Variants in ZDHHC14 observed in about 807,000 individuals in gnomAD.
ZDHHC14 encodes zDHHC palmitoyltransferase 14.
In ZDHHC14, 16 loss-of-function variants were observed where a neutral mutation model predicts 47.7. The ratio of observed to expected loss-of-function variants is 0.34; its 90% CI spans 0.23 to 0.51. ZDHHC14 has a LOEUF of 0.51. Among genes scored for constraint, ZDHHC14 ranks in the 20% least tolerant of loss-of-function variants. The pLI, the probability that ZDHHC14 is intolerant of heterozygous loss-of-function variation, is 0.97. For synonymous variants in ZDHHC14, 293 were observed against 278.9 expected, an observed-to-expected ratio of 1.05 and a Z score of -0.50; for missense variants, 515 against 662.5, an observed-to-expected ratio of 0.78 and a Z score of 2.44.
intron 2 of ZDHHC14, among the ~76,000 whole-genome samples, chr6:157,575,600 C>A (rs1783275927): frequency 6.6e-6 from 1 of 152,178 alleles, no homozygotes; most frequent in Non-Finnish European, 1.5e-5. Flanking sequence ...CTGCTCCCAG[C>A]GAGTGTGCAC....
chr6:157,480,033 G>A (rs999858063), intron 1 of ZDHHC14, among the ~76,000 whole-genome samples: 1 of 152,160 alleles, frequency 6.6e-6, no homozygotes, highest in Non-Finnish European at 1.5e-5. Context: ...GGGCCAACTG[G>A]ACAACAGTGG....
At chr6:157,435,473 A>G (rs917645385) in intron 1 of ZDHHC14, among the ~76,000 whole-genome samples, 1 of 152,086 alleles carries the variant, frequency 6.6e-6, no homozygotes, top group African/African-American at 2.4e-5. Context: ...AATTAATGGC[A>G]GTTTGTGGCA....
At chr6:157,634,425 C>T (rs1442469447) in intron 5 of ZDHHC14, among the ~76,000 whole-genome samples, 1 of 152,168 alleles carries the variant, frequency 6.6e-6, no homozygotes, top group African/African-American at 2.4e-5. Flanking sequence ...GAAATGTCCT[C>T]CTCCGTTCCT....
intron 2 of ZDHHC14, among the ~76,000 whole-genome samples, chr6:157,584,261 A>T (rs1470748189): frequency 2.0e-5 from 3 of 152,052 alleles, no homozygotes. Flanking sequence ...AGAGTGGGGC[A>T]TGGGGGCTCA....
intron 1 of ZDHHC14, among the ~76,000 whole-genome samples, chr6:157,486,528 T>C (rs1779781604): frequency 6.6e-6 from 1 of 152,248 alleles, no homozygotes; most frequent in African/African-American, 2.4e-5. Context: ...TATATAGATA[T>C]TTCCATTCTC....
intron 2 of ZDHHC14, among the ~76,000 whole-genome samples, chr6:157,576,727 C>T (rs1311907253): frequency 6.6e-6 from 1 of 152,214 alleles, no homozygotes; most frequent in Non-Finnish European, 1.5e-5. Flanking sequence ...CAGAGAGATG[C>T]TTCATCTTCA....
chr6:157,532,523 C>A (rs1405982029), intron 1 of ZDHHC14, among the ~76,000 whole-genome samples: 1 of 152,200 alleles, frequency 6.6e-6, no homozygotes, highest in African/African-American at 2.4e-5. Context: ...GATTCCGGAT[C>A]TCCAGGGGGC....
At chr6:157,546,562 A>G (rs534104889) in intron 2 of ZDHHC14, among the ~76,000 whole-genome samples, 177 of 152,260 alleles carry the variant, frequency 1.2e-3, no homozygotes, top group Middle Eastern at 3.4e-3. Context: ...TTCTGAAAGA[A>G]TGTTCCCGAT....
chr6:157,655,687 T>C (rs759094884), intron 8 of ZDHHC14, among the ~76,000 whole-genome samples: 5 of 152,186 alleles, frequency 3.3e-5, no homozygotes, highest in Non-Finnish European at 5.9e-5. Context: ...GTTTGTGGGG[T>C]ACAGCTCATC....
intron 1 of ZDHHC14, among the ~76,000 whole-genome samples, chr6:157,445,345 G>A (rs954851486): frequency 2.0e-5 from 3 of 152,046 alleles, no homozygotes; most frequent in African/African-American, 7.2e-5. Flanking sequence ...AGCCATCACG[G>A]TTTATTAAAA....
At chr6:157,566,849 ATTTTT>A (rs34288957) in intron 2 of ZDHHC14, among the ~76,000 whole-genome samples, 1 of 136,704 alleles carries the variant, frequency 7.3e-6, no homozygotes. Context: ...AGCAAGGGGA[ATTTTT>A]TTTTTTTTTT....
intron 1 of ZDHHC14, among the ~76,000 whole-genome samples, chr6:157,440,476 G>A (rs1778540025): frequency 6.6e-6 from 1 of 152,122 alleles, no homozygotes; most frequent in Non-Finnish European, 1.5e-5. Context: ...AAATATTGCA[G>A]CCACTGTAGA....
intron 1 of ZDHHC14, among the ~76,000 whole-genome samples, chr6:157,522,032 A>T (rs200439142): frequency 1.4e-4 from 20 of 143,812 alleles, no homozygotes; most frequent in East Asian, 2.0e-4. Context: ...TTTTTTTTTT[A>T]AAGTACAAAG....
chr6:157,536,737 T>C (rs1781554329), intron 1 of ZDHHC14, among the ~76,000 whole-genome samples: 1 of 152,088 alleles, frequency 6.6e-6, no homozygotes, highest in South Asian at 2.1e-4. Context: ...TTCTGGGATG[T>C]CAGTGTCTGT....
chr6:157,477,181 GCCAGCCTGA>G (rs947259302), intron 1 of ZDHHC14, among the ~76,000 whole-genome samples: 1 of 152,128 alleles, frequency 6.6e-6, no homozygotes, highest in African/African-American at 2.4e-5. Flanking sequence ...GGAGTTCGAG[GCCAGCCTGA>G]CCAACATGGT....
At chr6:157,388,929 T>C (rs1777369153) in intron 1 of ZDHHC14, among the ~76,000 whole-genome samples, 1 of 152,202 alleles carries the variant, frequency 6.6e-6, no homozygotes, top group Non-Finnish European at 1.5e-5. Context: ...AGCTTGGTAA[T>C]TATCAGCACC....
At chr6:157,405,005 A>G (rs769283178) in intron 1 of ZDHHC14, among the ~76,000 whole-genome samples, 10 of 152,202 alleles carry the variant, frequency 6.6e-5, no homozygotes, top group Non-Finnish European at 1.2e-4. Flanking sequence ...CATTCAGAAC[A>G]TTTACAGGGA....
At chr6:157,640,829 A>G (rs1777213837) in intron 5 of ZDHHC14, among the ~76,000 whole-genome samples, 1 of 152,190 alleles carries the variant, frequency 6.6e-6, no homozygotes, top group South Asian at 2.1e-4. Context: ...AAAAATCCCC[A>G]ATGGTCCAGA....
intron 1 of ZDHHC14, among the ~76,000 whole-genome samples, chr6:157,493,858 G>T (rs374720323): frequency 5.3e-5 from 8 of 152,324 alleles, no homozygotes; most frequent in Admixed American, 1.3e-4. Flanking sequence ...TCTTGCCCAG[G>T]GTCACTGTGT....
Sources: gnomAD v4.1 joint callset for allele counts (sites outside exome capture counted in the v4.1 genomes callset) on GRCh38, gnomAD v4.1.1 for gene constraint, MANE v1.5 for transcripts, NCBI Gene and HGNC (gene_info 2026-07-23, HGNC 2026-07-21) for gene names.